The following NAA25 variants were observed in gnomAD, a reference collection of about 807,000 sequenced individuals.
NAA25 encodes the protein N-alpha-acetyltransferase 25, NatB auxiliary subunit.
In NAA25, 30 loss-of-function variants were observed where a neutral mutation model predicts 132.5. That is an observed-to-expected ratio of 0.23 (90% CI 0.17 to 0.31). The LOEUF (loss-of-function observed/expected upper bound fraction) is 0.31, where lower values mean the gene tolerates loss of function less well. NAA25 is among the 10% of genes least tolerant of loss of function. NAA25 has a pLI of 1.00. For synonymous variants in NAA25, 359 were observed against 401.9 expected (o/e 0.89, Z 1.28); for missense variants, 771 against 1,150.4 (o/e 0.67, Z 4.77).
At chr12:112,054,623 C>T in intron 13 of NAA25, 55 bp from the exon 14 acceptor site, 1 of 1,499,506 alleles carries the variant, frequency 6.7e-7, no homozygotes, top group South Asian at 1.3e-5. Context: ...GAAAGCTTCC[C>T]AAAAACAAAA....
chr12:112,067,577 G>T (rs1163519043), intron 11 of NAA25, among the ~76,000 whole-genome samples: 1 of 152,038 alleles, frequency 6.6e-6, no homozygotes, highest in East Asian at 1.9e-4. Flanking sequence ...AGGCCTGGTG[G>T]CATGTGCCTG....
intron 22 of NAA25, chr12:112,034,418 G>A (rs988176052): frequency 6.6e-6 from 1 of 152,250 alleles, no homozygotes; most frequent in Non-Finnish European, 1.5e-5. Flanking sequence ...TTGAGGTCAG[G>A]AGTTCAAGAC....
chr12:112,030,959 T>A (rs1489134945), intron 23 of NAA25, among the ~76,000 whole-genome samples: 3 of 151,128 alleles, frequency 2.0e-5, no homozygotes, highest in Non-Finnish European at 2.9e-5. Context: ...TTTTTTTTTT[T>A]AAAAGAGGCA....
intron 11 of NAA25, among the ~76,000 whole-genome samples, chr12:112,062,253 T>C (rs1404333007): frequency 1.3e-5 from 2 of 151,796 alleles, no homozygotes; most frequent in Admixed American, 6.6e-5. Flanking sequence ...ACAAAAAAAT[T>C]AGCCAGGCAT....
chr12:112,038,508 T>C (rs1565997465), intron 22 of NAA25, among the ~76,000 whole-genome samples: 4 of 152,320 alleles, frequency 2.6e-5, no homozygotes, highest in Non-Finnish European at 4.4e-5. Context: ...TGGTTAAAAA[T>C]TGATAATCCA....
At chr12:112,059,118 A>C (rs1250237663) in intron 13 of NAA25, among the ~76,000 whole-genome samples, 4 of 125,232 alleles carry the variant, frequency 3.2e-5, no homozygotes, top group Non-Finnish European at 3.3e-5. Context: ...AAAAAAAAAA[A>C]AAAAACTAGC....
intron 22 of NAA25, among the ~76,000 whole-genome samples, chr12:112,037,339 C>A (rs1158828923): frequency 1.1e-5 from 1 of 93,740 alleles, no homozygotes; most frequent in South Asian, 3.8e-4. Context: ...GGAATATATT[C>A]AAATATGTAT....
In NAA25 at chr12:112,074,776, TTGAA is replaced by T; in HGVS notation, c.777-16_777-13del. ...GCCAGTCATCTGAGCTAAAATCAGA[TTGAA>T]TGATGCACACAGGATTAAACCCAAG... On this transcript the variant is annotated splice_polypyrimidine_tract_variant and intron_variant, in intron 8 of 23. Transcript: ENST00000261745. 6.4e-7 allele frequency: 1 copy of T among 1,573,002 alleles called. No individual in the cohort carries two copies.
chr12:112,031,822 C>G (rs74375415), intron 23 of NAA25, among the ~76,000 whole-genome samples: 92 of 151,410 alleles, frequency 6.1e-4, no homozygotes, highest in East Asian at 2.0e-3. Context: ...TGCTTGGGAT[C>G]CTTTTCCTAC....
At chr12:112,100,744 G>C (rs537629302) in intron 1 of NAA25, among the ~76,000 whole-genome samples, 1 of 148,884 alleles carries the variant, frequency 6.7e-6, no homozygotes, top group Admixed American at 6.9e-5. Flanking sequence ...CTCAGCCTCC[G>C]GAGTAGCTGG....
intron 4 of NAA25, among the ~76,000 whole-genome samples, chr12:112,085,468 A>C (rs941889078): frequency 6.6e-6 from 1 of 152,122 alleles, no homozygotes; most frequent in African/African-American, 2.4e-5. Flanking sequence ...TGGGAAGAGA[A>C]GGTCATTTTA....
Position 112,087,701 on chromosome 12 carries a change from T to C in NAA25, c.384A>G (p.Glu128=). The C allele has an allele frequency of 1.2e-6, 2 of 1,613,448 alleles. No homozygotes were observed. Among genetic ancestry groups the C allele is most frequent in the Non-Finnish European group, 1.7e-6 (2 of 1,179,486 alleles). Residue 128 remains glutamate (E), a synonymous_variant, in exon 4 of 24, where the codon GAA becomes GAG. Coordinates refer to ENST00000261745, the MANE Select transcript of NAA25 (RefSeq NM_024953.4). Reference sequence around the variant, plus strand: ...AAATTACCTGTTGCATTTTCTTGTATTCACCCACTCTGGCATAGGCCATGA... The same window carrying C: ...AAATTACCTGTTGCATTTTCTTGTACTCACCCACTCTGGCATAGGCCATGA... ...HLFMAYARVG[E]YKKMQQAGMA...
At chr12:112,076,813 T>C (rs1171324779) in intron 7 of NAA25, among the ~76,000 whole-genome samples, 1 of 151,324 alleles carries the variant, frequency 6.6e-6, no homozygotes, top group Non-Finnish European at 1.5e-5. Context: ...CTGGGCAACA[T>C]ATTGAGACCC....
chr12:112,094,503 C>G (rs1463938057), intron 1 of NAA25, among the ~76,000 whole-genome samples: 1 of 152,100 alleles, frequency 6.6e-6, no homozygotes, highest in African/African-American at 2.4e-5. Flanking sequence ...GGACTATGTT[C>G]CTTCAATGAA....
At chr12:112,094,315 A>G (rs2079182813) in intron 1 of NAA25, among the ~76,000 whole-genome samples, 1 of 151,874 alleles carries the variant, frequency 6.6e-6, no homozygotes, top group Non-Finnish European at 1.5e-5. Flanking sequence ...TAATATAATC[A>G]CACTATGTAG....
At chr12:112,080,096 T>C (rs1350277666) in intron 5 of NAA25, among the ~76,000 whole-genome samples, 4 of 150,032 alleles carry the variant, frequency 2.7e-5, no homozygotes, top group South Asian at 2.1e-4. Context: ...CTGGCTAACA[T>C]GGTGAAACCC....
At position 112,029,316 on chromosome 12, in the gene NAA25, G is replaced by A; in HGVS notation, c.*215C>T. 1.5e-6 allele frequency: 1 copy of A among 646,746 alleles called. No individual in the cohort carries two copies. Among genetic ancestry groups the A allele is most frequent in the South Asian group, 2.5e-5 (1 of 40,714 alleles). The allele number at this position is 646,746 out of a possible 1,614,324, so 40.1% of individuals were successfully genotyped here. A position where few individuals can be genotyped will look rare whatever the true frequency, so the allele number is the denominator to read the frequency against. ...TGCATATGAACATGTATAAAAAGTG[G>A]TCAAACCCAGATGAGGGTCCCGCTT... On this transcript the variant is annotated 3_prime_UTR_variant, in exon 24 of 24. Coordinates refer to ENST00000261745, the MANE Select transcript of NAA25 (RefSeq NM_024953.4).
At chr12:112,102,291 T>G (rs1402410007) in intron 1 of NAA25, among the ~76,000 whole-genome samples, 3 of 152,088 alleles carry the variant, frequency 2.0e-5, no homozygotes, top group Non-Finnish European at 4.4e-5. Flanking sequence ...GAGGATCACT[T>G]GAGCTCAGGA....
At chr12:112,067,728 A>G (rs1270756120) in intron 11 of NAA25, among the ~76,000 whole-genome samples, 1 of 152,116 alleles carries the variant, frequency 6.6e-6, no homozygotes, top group East Asian at 1.9e-4. Flanking sequence ...GAATCATACT[A>G]TGTGTAACTT....
Sources: gnomAD v4.1 joint callset for allele counts (sites outside exome capture counted in the v4.1 genomes callset) on GRCh38, gnomAD v4.1.1 for gene constraint, MANE v1.5 for transcripts, NCBI Gene and HGNC (gene_info 2026-07-23, HGNC 2026-07-21) for gene names.